The following DCHS2 variants were observed in gnomAD, a reference collection of about 807,000 sequenced individuals.
The protein encoded by DCHS2 is dachsous cadherin-related 2.
Under a neutral mutation model 182.4 loss-of-function variants are expected in DCHS2, and 142 were observed. The observed-to-expected ratio is 0.78, with a 90% CI of 0.68 to 0.89. The LOEUF (loss-of-function observed/expected upper bound fraction) is 0.89, where lower values mean the gene tolerates loss of function less well. Ranked by LOEUF, DCHS2 falls within the 40% of genes least tolerant of loss-of-function variation. The pLI, the probability that DCHS2 is intolerant of heterozygous loss-of-function variation, is 0.00. For missense variants in DCHS2, 4,319 were observed against 4,198.6 expected (o/e 1.03, Z -0.79); for synonymous variants, 1,740 against 1,663.3 (o/e 1.05, Z -1.12).
intron 13 of DCHS2, among the ~76,000 whole-genome samples, chr4:154,293,831 T>G (rs79190228): frequency 0.014 from 2,132 of 152,308 alleles, 59 homozygotes; most frequent in African/African-American, 0.049. Context: ...TGCACGCTGC[T>G]CTCCAGCTAT....
intron 1 of DCHS2, among the ~76,000 whole-genome samples, chr4:154,407,303 G>A (rs1376144347): frequency 2.0e-5 from 3 of 152,042 alleles, no homozygotes; most frequent in African/African-American, 7.2e-5. Context: ...TCTTGTATAC[G>A]ATCTCTGTTA....
intron 1 of DCHS2, among the ~76,000 whole-genome samples, chr4:154,390,656 T>C (rs930987708): frequency 1.2e-4 from 18 of 152,150 alleles, no homozygotes; most frequent in African/African-American, 4.1e-4. Context: ...TTTTTAACTG[T>C]TTATTATTAG....
At chr4:154,291,016 G>C (rs1360564867) in intron 13 of DCHS2, among the ~76,000 whole-genome samples, 1 of 152,086 alleles carries the variant, frequency 6.6e-6, no homozygotes, top group Non-Finnish European at 1.5e-5. Flanking sequence ...ACTGAAGGGA[G>C]AAAATACTTG....
chr4:154,275,281 A>G (rs942094964), intron 13 of DCHS2, among the ~76,000 whole-genome samples: 7 of 152,162 alleles, frequency 4.6e-5, no homozygotes, highest in African/African-American at 1.7e-4. Context: ...AAAGAGCAAG[A>G]AAACCCAACT....
intron 18 of DCHS2, among the ~76,000 whole-genome samples, chr4:154,240,229 A>G (rs1228244957): frequency 6.6e-6 from 1 of 152,160 alleles, no homozygotes. Context: ...CAGATAATGC[A>G]AACAGTCTTA....
chr4:154,450,494 T>G (rs945187277), intron 1 of DCHS2, among the ~76,000 whole-genome samples: 2 of 152,178 alleles, frequency 1.3e-5, no homozygotes, highest in African/African-American at 4.8e-5. Context: ...CTAGACTTAC[T>G]AGTAAGAATT....
chr4:154,235,828 G>C lies in DCHS2; in HGVS notation c.8824C>G (p.Pro2942Ala). ...NGNIYLIRAL[P>A]LIKSQLNKED... is the part of the protein sequence containing the mutation. ...TTGTTGAGTTGACTTTTTATTAGGGGAAGGGCTCTAATCAAATAAATATTT... is the reference window on the plus strand; with the variant it reads ...TTGTTGAGTTGACTTTTTATTAGGGCAAGGGCTCTAATCAAATAAATATTT... The change falls in exon 20 of 20, where the codon CCC (proline) becomes GCC (alanine). Residue 2942 changes from proline to alanine, a missense_variant. Coordinates refer to ENST00000357232, the MANE Select transcript of DCHS2 (RefSeq NM_001358235.2). 6.2e-7 allele frequency: 1 copy of C among 1,613,954 alleles called. No individual in the cohort carries two copies.
Position 154,236,368 on chromosome 4 carries a change from C to T in DCHS2, c.8284G>A (p.Asp2762Asn). 1 of 1,614,074 alleles carries T rather than the reference C, an allele frequency of 6.2e-7. No individual in the cohort carries two copies. Among genetic ancestry groups the T allele is most frequent in the Non-Finnish European group, 8.5e-7 (1 of 1,179,976 alleles). ...ATAAACTGAGGTGCATGGTCGTTAT[C>T]ATCCAGGACACTGACAAACACAACT... ...FAVVFVSVLD[D>N]NDHAPQFMFS... is the part of the protein sequence containing the mutation. Residue 2762 changes from aspartate to asparagine, a missense_variant, in exon 20 of 20, where the codon GAT becomes AAT. Coordinates refer to ENST00000357232, the MANE Select transcript of DCHS2 (RefSeq NM_001358235.2).
In DCHS2 at chr4:154,305,124, C is replaced by G. The variant is rs1173001147; in HGVS notation, c.5368G>C (p.Glu1790Gln). The G allele has an allele frequency of 6.2e-7, 1 of 1,610,880 alleles. No individual in the cohort carries two copies. Among genetic ancestry groups the G allele is most frequent in the East Asian group, 2.2e-5 (1 of 44,662 alleles). Reference sequence around the variant, plus strand: ...CGAAGGGTGAAGACTTCTTGAATTTCTCTGTCAAGTATGGTGGTTGTCACT... The same window carrying G: ...CGAAGGGTGAAGACTTCTTGAATTTGTCTGTCAAGTATGGTGGTTGTCACT... ...EVVTTTILDREIQEVFTLRVL... is the reference protein window; with the variant it reads ...EVVTTTILDRQIQEVFTLRVL... Residue 1790 changes from glutamate to glutamine, a missense_variant, in exon 11 of 20, where the codon GAA becomes CAA. By Grantham distance (29) the Glu-to-Gln change is conservative. Transcript: ENST00000357232.
chr4:154,316,050 T>C (rs554621859), intron 9 of DCHS2, 63 bp from the exon 10 acceptor site: 4 of 1,584,466 alleles, frequency 2.5e-6, no homozygotes, highest in South Asian at 2.3e-5. Context: ...TCATGCTTAC[T>C]CCACTTATAT....
At chr4:154,279,810 A>AC (rs1561007436) in intron 13 of DCHS2, among the ~76,000 whole-genome samples, 2 of 151,970 alleles carry the variant, frequency 1.3e-5, no homozygotes. Flanking sequence ...TAACATTACA[A>AC]CACAAGGAAC....
intron 3 of DCHS2, among the ~76,000 whole-genome samples, chr4:154,358,669 A>G (rs1183590345): frequency 1.3e-5 from 2 of 152,130 alleles, no homozygotes. Context: ...TTGTTGTTCT[A>G]TATTATATAT....
intron 10 of DCHS2, among the ~76,000 whole-genome samples, chr4:154,309,094 C>T (rs1735573524): frequency 6.6e-6 from 1 of 152,178 alleles, no homozygotes; most frequent in South Asian, 2.1e-4. Flanking sequence ...ATCGCACTGG[C>T]TTCCTTTCTG....
At chr4:154,292,753 A>G (rs1044593859) in intron 13 of DCHS2, among the ~76,000 whole-genome samples, 1 of 152,088 alleles carries the variant, frequency 6.6e-6, no homozygotes, top group African/African-American at 2.4e-5. Context: ...TCCCAACTCA[A>G]CCAAGCCCAG....
rs1369036504 is a variant in DCHS2, at chr4:154,240,842, G to A, written c.7073-19C>T. ...AAAGAATCTGAAATAGTCATGACCA[G>A]TGTCAGTCTCCATTAAAATTCATCC... On this transcript the variant is annotated intron_variant, in intron 17 of 19. Coordinates refer to ENST00000357232, the MANE Select transcript of DCHS2 (RefSeq NM_001358235.2). 1 of 1,610,058 alleles carries A rather than the reference G, an allele frequency of 6.2e-7. No homozygotes were observed. The highest frequency in any genetic ancestry group is 1.7e-5 in the Admixed American group (1 of 59,858).
In DCHS2 at chr4:154,235,872, G is replaced by A. The variant is rs1276304010; in HGVS notation, c.8780C>T (p.Ser2927Leu). 6.2e-7 allele frequency: 1 copy of A among 1,613,904 alleles called. No individual in the cohort carries two copies. Among genetic ancestry groups the A allele is most frequent in the Non-Finnish European group, 8.5e-7 (1 of 1,179,968 alleles). ...AATATTTCCATTGGTTTTATTTACT[G>A]AAAAGAAAGGAGATGAGGTTCCAAG... ...YSLGTSSPFFSVNKTNGNIYL... is the reference protein window; with the variant it reads ...YSLGTSSPFFLVNKTNGNIYL... The change falls in exon 20 of 20, where the codon TCA becomes TTA. Residue 2927 changes from serine (S) to leucine (L), a missense_variant. Coordinates refer to ENST00000357232, the MANE Select transcript of DCHS2 (RefSeq NM_001358235.2).
At position 154,320,466 on chromosome 4, in the gene DCHS2, C is replaced by T. The variant is rs777892302; in HGVS notation, c.4933G>A (p.Asp1645Asn). 4.2e-5 allele frequency: 67 copies of T among 1,613,974 alleles called. No homozygotes were observed. The highest frequency in any genetic ancestry group is 1.6e-4 in the Middle Eastern group (1 of 6,084). The change falls in exon 9 of 20, where the codon GAT (aspartate) becomes AAT (asparagine). Residue 1645 changes from aspartate (D) to asparagine (N), a missense_variant. Asp to Asn is a conservative substitution (Grantham distance 23, BLOSUM62 1). Coordinates refer to ENST00000357232, the MANE Select transcript of DCHS2 (RefSeq NM_001358235.2). ...TTTCCATTCCTTCCTTCGTCTGGAT[C>T]GTGAGCAGTTATGTGGTGGACCAAG... is the stretch of plus-strand genomic sequence containing the variant. ...GSLVHHITAH[D>N]PDEGRNGKVT...
At chr4:154,419,976 C>T (rs912521485) in intron 1 of DCHS2, among the ~76,000 whole-genome samples, 3 of 151,994 alleles carry the variant, frequency 2.0e-5, no homozygotes, top group Non-Finnish European at 4.4e-5. Flanking sequence ...GGAGTGACAT[C>T]CAGTTTGCAT....
At chr4:154,394,167 C>T (rs1731833427) in intron 1 of DCHS2, among the ~76,000 whole-genome samples, 1 of 152,168 alleles carries the variant, frequency 6.6e-6, no homozygotes. Flanking sequence ...ATGAGGGAGT[C>T]ACAGTCCAGG....
Sources: gnomAD v4.1 joint callset for allele counts (sites outside exome capture counted in the v4.1 genomes callset) on GRCh38, gnomAD v4.1.1 for gene constraint, MANE v1.5 for transcripts, NCBI Gene and HGNC (gene_info 2026-07-23, HGNC 2026-07-21) for gene names.